Variants in PCDHA9 observed in about 807,000 individuals in gnomAD.
PCDHA9 encodes protocadherin alpha-9.
In PCDHA9, 62 loss-of-function variants were observed where a neutral mutation model predicts 62.0. The observed-to-expected ratio is 1.00, with a 90% confidence interval of 0.81 to 1.23. The LOEUF (loss-of-function observed/expected upper bound fraction) is 1.23, where lower values mean the gene tolerates loss of function less well. Ranked by LOEUF, PCDHA9 falls within the 50% of genes most tolerant of loss-of-function variation. The pLI, the probability that PCDHA9 is intolerant of heterozygous loss-of-function variation, is 0.00. For missense variants in PCDHA9, 1,205 were observed against 1,249.8 expected, an observed-to-expected ratio of 0.96 and a Z score of 0.54; for synonymous variants, 557 against 567.6, an observed-to-expected ratio of 0.98 and a Z score of 0.27.
chr5:140,982,741 T>C (rs2097000256), intron 3 of PCDHA9, among the ~76,000 whole-genome samples, 178 bp downstream of exon 3: 1 of 152,164 alleles, frequency 6.6e-6, no homozygotes, highest in Admixed American at 6.6e-5. Flanking sequence ...TACCTAATGC[T>C]CTTCAGGAGT....
chr5:140,877,118 T>C, intron 1 of PCDHA9: 1 of 1,613,690 alleles, frequency 6.2e-7, no homozygotes, highest in South Asian at 1.1e-5. Flanking sequence ...GGCAGCAACG[T>C]GACGCTGCAG....
intron 1 of PCDHA9, chr5:140,859,465 T>A: frequency 4.7e-6 from 1 of 214,084 alleles, no homozygotes; most frequent in Non-Finnish European, 9.1e-6. Flanking sequence ...AAAACTACAC[T>A]ATCAATTGTG....
intron 1 of PCDHA9, among the ~76,000 whole-genome samples, chr5:140,895,670 G>C (rs551602030): frequency 3.9e-5 from 6 of 152,250 alleles, no homozygotes; most frequent in Non-Finnish European, 8.8e-5. Context: ...AGAACATGTA[G>C]TATTTGGTTT....
chr5:140,932,583 G>A (rs1007147257), intron 1 of PCDHA9, among the ~76,000 whole-genome samples: 29 of 151,810 alleles, frequency 1.9e-4, no homozygotes, highest in Admixed American at 1.8e-3. Flanking sequence ...AGGGTAATTA[G>A]ATGTTTTGTA....
intron 1 of PCDHA9, among the ~76,000 whole-genome samples, chr5:140,881,751 A>C (rs974973794): frequency 2.0e-5 from 3 of 152,206 alleles, no homozygotes; most frequent in African/African-American, 7.2e-5. Context: ...GGACAGTACC[A>C]CAAAAACCTA....
intron 1 of PCDHA9, among the ~76,000 whole-genome samples, chr5:140,933,053 G>C (rs2088831256): frequency 6.6e-6 from 1 of 151,948 alleles, no homozygotes; most frequent in Non-Finnish European, 1.5e-5. Flanking sequence ...TTACAGTCCA[G>C]GATCCTGACT....
At chr5:141,004,657 G>A (rs565994909) in intron 3 of PCDHA9, among the ~76,000 whole-genome samples, 1 of 152,262 alleles carries the variant, frequency 6.6e-6, no homozygotes, top group Admixed American at 6.5e-5. Context: ...TGGGCTCTGA[G>A]GGCAACTAAA....
rs561828077 is a variant in PCDHA9 at position 140,908,632 on chromosome 5, C to T, written c.2394+57743C>T. On this transcript the variant is annotated intron_variant, in intron 1 of 3. Transcript: ENST00000532602. ...TGCTCCAAAATCCTTGAGGTCTCCA[C>T]TGTGATTCACTTATGGGGGCCTGCC... Among the ~76,000 whole-genome samples the T allele has an allele frequency of 9.8e-5, 15 of 152,318 alleles. No individual in the cohort carries two copies. In the East Asian group the frequency reaches 2.9e-3, roughly 29 times the overall value.
chr5:141,010,282 A>C lies in PCDHA9; in HGVS notation c.*345A>C, dbSNP rs375556483. The C allele has an allele frequency of 6.4e-7, 1 of 1,551,130 alleles. No homozygotes were observed. Among genetic ancestry groups the C allele is most frequent in the Admixed American group, 2.0e-5 (1 of 50,878 alleles). On this transcript the variant is annotated 3_prime_UTR_variant, in exon 4 of 4. Transcript: ENST00000532602. ...GTGCTCCGGGGATCCTGTCTTGATGACACTTGCAGGGCAGGCTGAAAAGTT... is the reference window on the plus strand; with the variant it reads ...GTGCTCCGGGGATCCTGTCTTGATGCCACTTGCAGGGCAGGCTGAAAAGTT...
intron 1 of PCDHA9, among the ~76,000 whole-genome samples, chr5:140,891,208 C>T (rs2062983751): frequency 1.3e-5 from 2 of 152,002 alleles, no homozygotes; most frequent in African/African-American, 4.8e-5. Context: ...TTTTACCATG[C>T]TGTGTCTTTA....
chr5:140,979,147 C>A (rs2096836802), intron 2 of PCDHA9, 140 bp downstream of exon 2: 2 of 1,442,248 alleles, frequency 1.4e-6, no homozygotes, highest in African/African-American at 2.9e-5. Flanking sequence ...ATTATTTTGT[C>A]CCCATGTTTA....
intron 3 of PCDHA9, among the ~76,000 whole-genome samples, chr5:140,994,353 C>T (rs1321687113): frequency 6.6e-6 from 1 of 152,110 alleles, no homozygotes; most frequent in East Asian, 1.9e-4. Flanking sequence ...TGTGGGACCT[C>T]AGAAGATGGA....
intron 1 of PCDHA9, chr5:140,864,139 T>C (rs2048337993): frequency 6.6e-6 from 1 of 152,226 alleles, no homozygotes; most frequent in South Asian, 2.1e-4. Context: ...GGCTGTTTCC[T>C]GTAAATGAGA....
chr5:140,853,830 G>A lies in PCDHA9; in HGVS notation c.2394+2941G>A, dbSNP rs1424828776. 1.9e-5 allele frequency: 19 copies of A among 986,508 alleles called. 1 individual carries two copies. The highest frequency in any genetic ancestry group is 2.2e-5 in the Non-Finnish European group (18 of 818,674). The allele number at this position is 986,508 out of a possible 1,614,324, so 61.1% of individuals were successfully genotyped here. On this transcript the variant is annotated intron_variant, in intron 1 of 3. Coordinates refer to ENST00000532602, the MANE Select transcript of PCDHA9 (RefSeq NM_031857.2). The stretch of plus-strand genomic sequence containing the variant: ...CACCTGAGATGATTCTCATACAACC[G>A]AAATTTTAGATCCATAGCCCTATTT...
chr5:140,962,036 A>G (rs761594563), intron 1 of PCDHA9, among the ~76,000 whole-genome samples: 10 of 151,802 alleles, frequency 6.6e-5, no homozygotes, highest in Non-Finnish European at 1.2e-4. Flanking sequence ...GGCACCCACC[A>G]CCATGCCTGG....
chr5:141,008,515 A>G (rs1430400139), intron 3 of PCDHA9, among the ~76,000 whole-genome samples: 1 of 152,126 alleles, frequency 6.6e-6, no homozygotes, highest in Non-Finnish European at 1.5e-5. Context: ...GTGTCTTCCA[A>G]TCAGACTCTT....
chr5:140,860,639 G>A (rs2046488038), intron 1 of PCDHA9: 1 of 152,224 alleles, frequency 6.6e-6, no homozygotes, highest in Non-Finnish European at 1.5e-5. Flanking sequence ...AATCAGGAAC[G>A]AAGAAGATAA....
chr5:140,893,198 C>T (rs1242904411), intron 1 of PCDHA9, among the ~76,000 whole-genome samples: 2 of 152,164 alleles, frequency 1.3e-5, no homozygotes, highest in Admixed American at 6.5e-5. Flanking sequence ...AATAGTGCTG[C>T]AGTAAGTATG....
intron 1 of PCDHA9, among the ~76,000 whole-genome samples, chr5:140,973,733 C>G (rs1273705154): frequency 6.6e-6 from 1 of 152,216 alleles, no homozygotes; most frequent in Non-Finnish European, 1.5e-5. Context: ...GGCATCTGGT[C>G]TAACTCAGAA....
Sources: gnomAD v4.1 joint callset for allele counts (sites outside exome capture counted in the v4.1 genomes callset) on GRCh38, gnomAD v4.1.1 for gene constraint, MANE v1.5 for transcripts, NCBI Gene and HGNC (gene_info 2026-07-23, HGNC 2026-07-21) for gene names.